The following FBXO25 variants were observed in gnomAD, a reference collection of about 807,000 sequenced individuals.
FBXO25 encodes the protein F-box protein 25.
In FBXO25, 45 loss-of-function variants were observed where a neutral mutation model predicts 51.9. That is an observed-to-expected ratio of 0.87 (90% CI 0.68 to 1.11). The LOEUF (loss-of-function observed/expected upper bound fraction) is 1.11. Among genes scored for constraint, FBXO25 ranks in the 50% most tolerant of loss-of-function variants. The pLI, the probability that FBXO25 is intolerant of heterozygous loss-of-function variation, is 0.00. For missense variants in FBXO25, 507 were observed against 428.5 expected (o/e 1.18, Z -1.62); for synonymous variants, 199 against 151.0 (o/e 1.32, Z -2.33).
chr8:419,261 C>T (rs1797008894), intron 2 of FBXO25, among the ~76,000 whole-genome samples: 1 of 151,926 alleles, frequency 6.6e-6, no homozygotes, highest in African/African-American at 2.4e-5. Context: ...CCCAGCTACT[C>T]AGGAAGCTGA....
Position 475,620 on chromosome 8 carries a change from C to G in FBXO25, c.*6816C>G, listed in dbSNP as rs1261091934. 2 of 152,158 alleles carry G rather than the reference C, an allele frequency of 1.3e-5. No homozygotes were observed. Among genetic ancestry groups the G allele is most frequent in the Non-Finnish European group, 2.9e-5 (2 of 68,020 alleles). 9.4% of individuals were successfully genotyped at this position (152,158 alleles called of 1,614,324 possible). A position where few individuals can be genotyped will look rare whatever the true frequency, so the allele number is the denominator to read the frequency against. On this transcript the variant is annotated 3_prime_UTR_variant, in exon 10 of 10. Coordinates refer to ENST00000350302, the MANE Select transcript of FBXO25 (RefSeq NM_183420.2). ...AGCAGTGTTTTATGGTTTTCAAGTA[C>G]AAGTCTTTTGCTTCCTTAAGTTTAT...
rs1281043782 is a variant in FBXO25, at chr8:413,108, C to T, written c.29C>T (p.Ser10Phe). 4 of 1,599,264 alleles carry T rather than the reference C, an allele frequency of 2.5e-6. No individual in the cohort carries two copies. The Admixed American group carries it at 6.9e-5, about 28-fold the overall frequency. Residue 10 changes from serine to phenylalanine, a missense_variant, in exon 2 of 10, where the codon TCT becomes TTT. Ser to Phe is a radical substitution (Grantham distance 155). Transcript: ENST00000350302. MPFLGQDWR[S>F]PGWSWIKTED... ...CCATTTTTGGGTCAGGACTGGAGAT[C>T]TCCTGGATGGAGTTGGATTAAGACA...
chr8:461,709 G>A (rs886919246), intron 8 of FBXO25, among the ~76,000 whole-genome samples: 60 of 152,120 alleles, frequency 3.9e-4, no homozygotes, highest in Admixed American at 7.9e-4. Context: ...TCGACTTTCT[G>A]TCTCTGTGTT....
chr8:449,268 C>T (rs1798928243), intron 5 of FBXO25, among the ~76,000 whole-genome samples: 1 of 152,196 alleles, frequency 6.6e-6, no homozygotes, highest in African/African-American at 2.4e-5. Context: ...TTTTTCCTGC[C>T]ATGATGCACA....
At chr8:453,270 T>C (rs1458818687) in intron 7 of FBXO25, among the ~76,000 whole-genome samples, 1 of 152,206 alleles carries the variant, frequency 6.6e-6, no homozygotes, top group Non-Finnish European at 1.5e-5. Flanking sequence ...ATCAGAGACC[T>C]TGAACTTGTT....
In FBXO25 at chr8:471,459, C is replaced by G. The variant is rs1406620269; in HGVS notation, c.*2655C>G. 6.6e-6 allele frequency: 1 copy of G among 152,178 alleles called. No homozygotes were observed. The highest frequency in any genetic ancestry group is 1.9e-4 in the East Asian group (1 of 5,186). The allele number at this position is 152,178 out of a possible 1,614,324, so 9.4% of individuals were successfully genotyped here. A position where few individuals can be genotyped will look rare whatever the true frequency, so the allele number is the denominator to read the frequency against. On this transcript the variant is annotated 3_prime_UTR_variant, in exon 10 of 10. Coordinates refer to ENST00000350302, the MANE Select transcript of FBXO25 (RefSeq NM_183420.2). ...GGGCCTTCCAAAAGTAGGGATGCCA[C>G]TCCTGTGAGATTAAGTTACATTCTG...
chr8:447,063 C>A (rs1028724210), intron 5 of FBXO25, among the ~76,000 whole-genome samples: 1 of 152,200 alleles, frequency 6.6e-6, no homozygotes, highest in African/African-American at 2.4e-5. Context: ...CTTAGGCTAA[C>A]AAAAGCACTC....
chr8:425,821 A>C (rs1797439403), intron 2 of FBXO25, among the ~76,000 whole-genome samples: 1 of 151,456 alleles, frequency 6.6e-6, no homozygotes, highest in Non-Finnish European at 1.5e-5. Flanking sequence ...TACATCACAG[A>C]TAACAGGGAA....
At chr8:466,345 T>C (rs1800159977) in intron 9 of FBXO25, among the ~76,000 whole-genome samples, 1 of 152,118 alleles carries the variant, frequency 6.6e-6, no homozygotes, top group Non-Finnish European at 1.5e-5. Context: ...CTGCCCCTCC[T>C]AGGGTCTTGG....
rs1254535593 is a variant in FBXO25, at chr8:474,423, C to G, written c.*5619C>G. ...CATGGGTGTGCAAATATCTGAGTCT[C>G]TGCTTTCAATCATATGGCAATCCTA... On this transcript the variant is annotated 3_prime_UTR_variant, in exon 10 of 10. Coordinates refer to ENST00000350302, the MANE Select transcript of FBXO25 (RefSeq NM_183420.2). 3.5e-6 allele frequency: 1 copy of G among 286,680 alleles called. No homozygotes were observed. The highest frequency in any genetic ancestry group is 6.7e-6 in the Non-Finnish European group (1 of 149,484). The allele number at this position is 286,680 out of a possible 1,614,324, so 17.8% of individuals were successfully genotyped here.
intron 5 of FBXO25, among the ~76,000 whole-genome samples, chr8:438,327 A>G (rs9644276): frequency 0.46 from 69,300 of 152,030 alleles, 16,640 homozygotes; most frequent in African/African-American, 0.62. Context: ...CCAAAGTGCT[A>G]GGATTACAGG....
At chr8:436,061 A>C (rs912693391) in intron 5 of FBXO25, among the ~76,000 whole-genome samples, 2 of 152,234 alleles carry the variant, frequency 1.3e-5, no homozygotes, top group Admixed American at 6.5e-5. Context: ...TGATTTCACA[A>C]ATGTTTTCTG....
intron 2 of FBXO25, among the ~76,000 whole-genome samples, chr8:422,098 A>C (rs1018830184): frequency 9.9e-5 from 15 of 152,248 alleles, no homozygotes; most frequent in African/African-American, 3.6e-4. Flanking sequence ...CAGATGCAGC[A>C]AGGTGAAATC....
rs1796222380 is a variant in FBXO25 at position 407,422 on chromosome 8, C to A, written c.-8+356C>A. 3.0e-6 allele frequency: 3 copies of A among 984,424 alleles called. No homozygotes were observed. The South Asian group carries it at 1.4e-4, about 46-fold the overall frequency. The allele number at this position is 984,424 out of a possible 1,614,324, so 61.0% of individuals were successfully genotyped here. A position where few individuals can be genotyped will look rare whatever the true frequency, so the allele number is the denominator to read the frequency against. On this transcript the variant is annotated intron_variant, in intron 1 of 9. Transcript: ENST00000350302. ...GGGCCGCGGGCGCGTCAGGTGGGGTCTGGGGGCGGCCGGCGGGTGTGGAGG... is the reference window on the plus strand; with the variant it reads ...GGGCCGCGGGCGCGTCAGGTGGGGTATGGGGGCGGCCGGCGGGTGTGGAGG...
chr8:429,937 A>AACCTGGCCCCATCTG (rs1797717672), intron 2 of FBXO25, among the ~76,000 whole-genome samples: 1 of 152,230 alleles, frequency 6.6e-6, no homozygotes, highest in Non-Finnish European at 1.5e-5. Flanking sequence ...CAAGCATCTG[A>AACCTGGCCCCATCTG]ACCTGGCCCC....
At chr8:418,584 C>T (rs1020387139) in intron 2 of FBXO25, among the ~76,000 whole-genome samples, 8 of 152,112 alleles carry the variant, frequency 5.3e-5, no homozygotes, top group Non-Finnish European at 1.2e-4. Flanking sequence ...AGGTGATGCA[C>T]CCGCCTCAGC....
intron 2 of FBXO25, among the ~76,000 whole-genome samples, chr8:422,429 G>C (rs1797213218): frequency 6.6e-6 from 1 of 152,306 alleles, no homozygotes; most frequent in South Asian, 2.1e-4. Context: ...TGGCATGGGG[G>C]GCCATGGTAG....
intron 7 of FBXO25, among the ~76,000 whole-genome samples, chr8:455,918 T>G (rs1275426657): frequency 6.6e-6 from 1 of 152,248 alleles, no homozygotes; most frequent in African/African-American, 2.4e-5. Context: ...GTTATAGCCA[T>G]TAACAGGGAT....
chr8:425,892 C>CT (rs202143545), intron 2 of FBXO25, among the ~76,000 whole-genome samples: 22,215 of 139,360 alleles, frequency 0.16, 2,505 homozygotes, highest in African/African-American at 0.33. Context: ...TTTCTTCCTC[C>CT]TTTTTTTTTT....
Sources: allele counts gnomAD v4.1 joint callset (sites outside exome capture counted in the v4.1 genomes callset), GRCh38; gene constraint gnomAD v4.1.1; transcripts MANE v1.5; gene names NCBI Gene and HGNC (gene_info 2026-07-23, HGNC 2026-07-21).